Variants in PITPNM3 observed in about 807,000 individuals in gnomAD.
PITPNM3 encodes the protein PITPNM family member 3, also known as membrane-associated phosphatidylinositol transfer protein 3.
PITPNM3 carries 26 observed loss-of-function variants against 102.0 expected under a neutral mutation model. The ratio of observed to expected loss-of-function variants is 0.25; its 90% CI spans 0.19 to 0.35. PITPNM3 has a LOEUF of 0.35. Among genes scored for constraint, PITPNM3 ranks in the 10% least tolerant of loss-of-function variants. The pLI is 1.00. For synonymous variants in PITPNM3, 578 were observed against 558.6 expected, an observed-to-expected ratio of 1.03 and a Z score of -0.49; for missense variants, 1,083 against 1,346.1, an observed-to-expected ratio of 0.80 and a Z score of 3.06.
chr17:6,494,205 G>A lies in PITPNM3; in HGVS notation c.274+9322C>T, dbSNP rs1416718113. On this transcript the variant is annotated intron_variant, in intron 4 of 19. Coordinates refer to ENST00000262483, the MANE Select transcript of PITPNM3 (RefSeq NM_031220.4). ...TCTCAAGATGTAAGTGGAGGGCTGG[G>A]TACTTGAACCCAGGTCACCAGGTCA... is the stretch of plus-strand genomic sequence containing the variant. 2.0e-5 allele frequency among the ~76,000 whole-genome samples: 3 copies of A among 152,296 alleles called. No homozygotes were observed. In the East Asian group the frequency reaches 5.8e-4, roughly 29 times the overall value.
chr17:6,490,012 A>AT (rs202041855), intron 4 of PITPNM3, among the ~76,000 whole-genome samples: 3,017 of 152,160 alleles, frequency 0.02, 108 homozygotes, highest in African/African-American at 0.068. Flanking sequence ...ATCTCAAAAA[A>AT]AAAAATAAAA....
chr17:6,497,064 G>T (rs576369790), intron 4 of PITPNM3, among the ~76,000 whole-genome samples: 27 of 152,268 alleles, frequency 1.8e-4, no homozygotes, highest in Non-Finnish European at 3.2e-4. Context: ...CAAGGCGGAC[G>T]TCTGCCACCC....
intron 2 of PITPNM3, among the ~76,000 whole-genome samples, chr17:6,535,390 C>A (rs1053847055): frequency 5.9e-4 from 90 of 152,268 alleles, no homozygotes; most frequent in African/African-American, 2.1e-3. Context: ...GCCAAGGAAA[C>A]ACACAAAGGC....
At chr17:6,496,028 G>A (rs1247058972) in intron 4 of PITPNM3, among the ~76,000 whole-genome samples, 2 of 152,158 alleles carry the variant, frequency 1.3e-5, no homozygotes, top group East Asian at 1.9e-4. Context: ...CCTCCATGCC[G>A]GGTCATCGTA....
chr17:6,465,097 G>A (rs1904696454), intron 14 of PITPNM3, among the ~76,000 whole-genome samples: 1 of 152,216 alleles, frequency 6.6e-6, no homozygotes, highest in Admixed American at 6.5e-5. Flanking sequence ...TTGTTGCCCA[G>A]GCTGGAGTGC....
At chr17:6,510,101 C>T (rs542992746) in intron 3 of PITPNM3, among the ~76,000 whole-genome samples, 12 of 152,240 alleles carry the variant, frequency 7.9e-5, no homozygotes, top group Non-Finnish European at 1.2e-4. Context: ...TTATTTCATC[C>T]GTATGGTATG....
intron 19 of PITPNM3, 49 bp from the exon 20 acceptor site, chr17:6,455,692 C>CGACCCGCCCGCCGCCAACCCCAAGCCCG: frequency 1.1e-6 from 1 of 914,526 alleles, no homozygotes; most frequent in Non-Finnish European, 1.4e-6. Context: ...GGCAGCAGCG[C>CGACCCGCCCGCCGCCAACCCCAAGCCCG]AGGGGGAAGA....
rs1408144289 is a variant in PITPNM3 at position 6,517,947 on chromosome 17, A to T, written c.226+7409T>A. Among the ~76,000 whole-genome samples the T allele has an allele frequency of 6.6e-6, 1 of 152,250 alleles. No homozygotes were observed. The highest frequency in any genetic ancestry group is 1.5e-5 in the Non-Finnish European group (1 of 68,050). ...GTATATAAGAAATTTGATGGTGTCA[A>T]TAAAAAACAAGAAAAGGGGAAGGAG... On this transcript the variant is annotated intron_variant, in intron 3 of 19. Coordinates refer to ENST00000262483, the MANE Select transcript of PITPNM3 (RefSeq NM_031220.4). The surrounding 1 kb of genome is among the most constrained non-coding windows in gnomAD (Gnocchi z 4.1).
intron 4 of PITPNM3, among the ~76,000 whole-genome samples, chr17:6,499,699 T>A (rs1907054892): frequency 9.0e-6 from 1 of 111,236 alleles, no homozygotes; most frequent in Admixed American, 9.5e-5. Flanking sequence ...TATGGCCATC[T>A]TTTCTTTTAT....
intron 4 of PITPNM3, among the ~76,000 whole-genome samples, chr17:6,489,406 T>C (rs1053275848): frequency 6.7e-6 from 1 of 148,450 alleles, no homozygotes; most frequent in Admixed American, 6.9e-5. Flanking sequence ...TCCTGAGAAG[T>C]AGCTACAAAA....
intron 4 of PITPNM3, among the ~76,000 whole-genome samples, chr17:6,496,001 C>G (rs761659288): frequency 3.9e-5 from 6 of 152,154 alleles, no homozygotes; most frequent in Non-Finnish European, 8.8e-5. Context: ...AGTAGGAGAA[C>G]TGGGGCAAGG....
chr17:6,554,313 C>T (rs1488590461), intron 1 of PITPNM3, among the ~76,000 whole-genome samples: 1 of 103,482 alleles, frequency 9.7e-6, no homozygotes, highest in African/African-American at 4.0e-5. Flanking sequence ...ACCGAGACTC[C>T]ATCTCAAAAA....
chr17:6,464,412 C>T, intron 15 of PITPNM3, 94 bp from the exon 16 acceptor site: 1 of 1,363,842 alleles, frequency 7.3e-7, no homozygotes, highest in Non-Finnish European at 1.0e-6. Flanking sequence ...GCTGAGGTCC[C>T]TGCCTGACAT....
chr17:6,473,225 T>G (rs1407185728), intron 10 of PITPNM3: 1 of 325,334 alleles, frequency 3.1e-6, no homozygotes. Flanking sequence ...GCAGGTCAGC[T>G]GCCCCTTCCA....
At position 6,556,266 on chromosome 17, in the gene PITPNM3, GC is replaced by G; in HGVS notation, c.22+118del. ...GTCCAGCCCCGCTACCGCCCCCTAC[GC>G]CCTCCCGGGACCTCCGCCCACCTGC... On this transcript the variant is annotated intron_variant, in intron 1 of 19. Coordinates refer to ENST00000262483, the MANE Select transcript of PITPNM3 (RefSeq NM_031220.4). This position sits in a 1 kb window ranked among gnomAD's most constrained non-coding sequence, Gnocchi z 5.2. 2 of 808,864 alleles carry G rather than the reference GC, an allele frequency of 2.5e-6. No homozygotes were observed. The highest frequency in any genetic ancestry group is 3.4e-6 in the Non-Finnish European group (2 of 586,032). The allele number at this position is 808,864 out of a possible 1,614,324, so 50.1% of individuals were successfully genotyped here. A position where few individuals can be genotyped will look rare whatever the true frequency, so the allele number is the denominator to read the frequency against.
rs1467230369 is a variant in PITPNM3 at position 6,457,434 on chromosome 17, C to T, written c.2619+160G>A. ...TTCTCCCCCTGCACCCAACACAGGC[C>T]CTGGCCCAAGGCAGGCACCCCGAAG... On this transcript the variant is annotated intron_variant, in intron 19 of 19. Coordinates refer to ENST00000262483, the MANE Select transcript of PITPNM3 (RefSeq NM_031220.4). The surrounding 1 kb of genome is among the most constrained non-coding windows in gnomAD (Gnocchi z 4.7). Among the ~76,000 whole-genome samples the T allele has an allele frequency of 1.3e-5, 2 of 152,238 alleles. No individual in the cohort carries two copies. The highest frequency in any genetic ancestry group is 2.4e-5 in the African/African-American group (1 of 41,452).
intron 4 of PITPNM3, among the ~76,000 whole-genome samples, chr17:6,495,638 G>A (rs934358773): frequency 2.6e-5 from 4 of 152,148 alleles, no homozygotes; most frequent in Non-Finnish European, 5.9e-5. Flanking sequence ...CACCGCTGTG[G>A]ACGAAGGACC....
Position 6,468,321 on chromosome 17 carries a change from C to A in PITPNM3, c.1794G>T (p.Val598=), listed in dbSNP as rs753962681. ...ILRQVMRYES[V]NIKESARLDP... is the part of the protein sequence containing the mutation. ...CCAGGCGGGCGCTTTCCTTGATGTTCACGCTCTCATAGCGCATTACCTAGC... is the reference window on the plus strand; with the variant it reads ...CCAGGCGGGCGCTTTCCTTGATGTTAACGCTCTCATAGCGCATTACCTAGC... Residue 598 remains valine (V), a synonymous_variant, in exon 14 of 20, where the codon GTG becomes GTT. Coordinates refer to ENST00000262483, the MANE Select transcript of PITPNM3 (RefSeq NM_031220.4). The surrounding 1 kb of genome is among the most constrained non-coding windows in gnomAD (Gnocchi z 5.2). The A allele has an allele frequency of 4.4e-5, 71 of 1,613,988 alleles. No individual in the cohort carries two copies. Among genetic ancestry groups the A allele is most frequent in the Non-Finnish European group, 5.8e-5 (68 of 1,180,030 alleles).
chr17:6,520,615 T>G (rs1908453696), intron 3 of PITPNM3, among the ~76,000 whole-genome samples: 1 of 152,214 alleles, frequency 6.6e-6, no homozygotes, highest in South Asian at 2.1e-4. Flanking sequence ...TAAAGGAGAC[T>G]TTGGTTTTAT....
Sources: allele counts gnomAD v4.1 joint callset (sites outside exome capture counted in the v4.1 genomes callset), GRCh38; gene constraint gnomAD v4.1.1; non-coding constraint Gnocchi (gnomAD v3.1); transcripts MANE v1.5; gene names NCBI Gene and HGNC (gene_info 2026-07-23, HGNC 2026-07-21).